The following CNGB3 variants were observed in gnomAD, a reference collection of about 807,000 sequenced individuals.
CNGB3 encodes the protein cyclic nucleotide-gated channel beta-3.
In CNGB3, 86 loss-of-function variants were observed where a neutral mutation model predicts 92.8. The ratio of observed to expected loss-of-function variants is 0.93; its 90% CI spans 0.78 to 1.11. The LOEUF is 1.11. CNGB3 is among the 50% of genes least tolerant of loss of function. The probability of loss-of-function intolerance (pLI) is 0.00; values close to 1 mark genes in which losing one functional copy is unlikely to be tolerated. For synonymous variants in CNGB3, 333 were observed against 332.7 expected (o/e 1.00, Z -0.01); for missense variants, 1,026 against 956.8 (o/e 1.07, Z -0.95).
At chr8:86,729,922 G>T (rs1825130700) in intron 2 of CNGB3, among the ~76,000 whole-genome samples, 1 of 152,168 alleles carries the variant, frequency 6.6e-6, no homozygotes, top group African/African-American at 2.4e-5. Flanking sequence ...TTCTGCCAAT[G>T]GTGCTCTTTG....
intron 14 of CNGB3, among the ~76,000 whole-genome samples, chr8:86,606,306 A>G (rs1333102656): frequency 6.6e-6 from 1 of 151,902 alleles, no homozygotes; most frequent in African/African-American, 2.4e-5. Flanking sequence ...ATAAGCCACC[A>G]TGCCTGGCTA....
intron 3 of CNGB3, chr8:86,708,068 C>G (rs1824681969): frequency 6.6e-6 from 1 of 152,148 alleles, no homozygotes; most frequent in African/African-American, 2.4e-5. Context: ...GAAATTTTAA[C>G]TCGGCAGTTT....
chr8:86,644,601 G>A (rs1052443297), intron 9 of CNGB3, 21 bp downstream of exon 9: 3 of 1,598,602 alleles, frequency 1.9e-6, no homozygotes, highest in Middle Eastern at 1.7e-4. Flanking sequence ...CTTCCCCCAA[G>A]TATACTGAGT....
chr8:86,667,850 A>C (rs1823773928), intron 5 of CNGB3, among the ~76,000 whole-genome samples, 169 bp downstream of exon 5: 1 of 152,184 alleles, frequency 6.6e-6, no homozygotes, highest in Non-Finnish European at 1.5e-5. Context: ...TCTTGTCTTC[A>C]CCAAAGATGG....
At chr8:86,667,788 G>T (rs549666079) in intron 5 of CNGB3, among the ~76,000 whole-genome samples, 1 of 152,270 alleles carries the variant, frequency 6.6e-6, no homozygotes, top group South Asian at 2.1e-4. Flanking sequence ...AGGTAATTAG[G>T]GGCAGGAGAG....
At chr8:86,613,528 T>C (rs1822558432) in intron 13 of CNGB3, among the ~76,000 whole-genome samples, 1 of 152,132 alleles carries the variant, frequency 6.6e-6, no homozygotes, top group Non-Finnish European at 1.5e-5. Context: ...ACTTGAAATA[T>C]GCTTGGAAGT....
intron 13 of CNGB3, among the ~76,000 whole-genome samples, chr8:86,615,562 C>T (rs908316084): frequency 6.6e-6 from 1 of 151,944 alleles, no homozygotes; most frequent in African/African-American, 2.4e-5. Flanking sequence ...AAGATTGCAC[C>T]ATTACTCTCT....
intron 13 of CNGB3, among the ~76,000 whole-genome samples, chr8:86,618,220 A>G (rs2131573825): frequency 6.6e-6 from 1 of 152,292 alleles, no homozygotes; most frequent in East Asian, 1.9e-4. Context: ...AGCTGCTCTC[A>G]CTGACCCACC....
rs780016234 is a variant in CNGB3 at position 86,666,927 on chromosome 8, T to C, written c.850A>G (p.Ile284Val). The C allele has an allele frequency of 6.2e-6, 10 of 1,611,312 alleles. No homozygotes were observed. In the East Asian group the frequency reaches 1.3e-4, roughly 22 times the overall value. ...TGCCTTTCCCGAACCCCACTTACTA[T>C]TATGTCTCCTCCTCTTACAAACTGG... is the stretch of plus-strand genomic sequence containing the variant. ...RLQFVRGGDI[I>V]VDSNELRKHY... The change falls in exon 6 of 18, where the codon ATA (isoleucine) becomes GTA (valine). Residue 284 changes from isoleucine to valine, a missense_variant and splice_region_variant. Transcript: ENST00000320005.
In CNGB3 at chr8:86,715,905, G is replaced by A. The variant is rs569863037; in HGVS notation, c.338+10626C>T. ...ACAAGTTAATGGGTGCAGCACACCAGCATGGCACATGTATACATATGTAAC... is the reference window on the plus strand; with the variant it reads ...ACAAGTTAATGGGTGCAGCACACCAACATGGCACATGTATACATATGTAAC... On this transcript the variant is annotated intron_variant, in intron 3 of 17. Coordinates refer to ENST00000320005, the MANE Select transcript of CNGB3 (RefSeq NM_019098.5). Among the ~76,000 whole-genome samples, 9 of 151,402 alleles carry A rather than the reference G, an allele frequency of 5.9e-5. No homozygotes were observed. In the South Asian group the frequency reaches 1.7e-3, roughly 28 times the overall value.
chr8:86,611,502 T>C, intron 14 of CNGB3, 86 bp downstream of exon 14: 1 of 1,043,284 alleles, frequency 9.6e-7, no homozygotes, highest in Non-Finnish European at 1.5e-6. Context: ...CCTGAACAAA[T>C]TTTGTTTAAA....
At chr8:86,723,525 T>A (rs1825009370) in intron 3 of CNGB3, among the ~76,000 whole-genome samples, 1 of 152,196 alleles carries the variant, frequency 6.6e-6, no homozygotes, top group Non-Finnish European at 1.5e-5. Context: ...GATATTTTCT[T>A]ATAATGTATA....
chr8:86,659,478 T>G, intron 6 of CNGB3: 1 of 609,396 alleles, frequency 1.6e-6, no homozygotes, highest in Non-Finnish European at 3.0e-6. Flanking sequence ...ATTTCTCTTC[T>G]AATTCTGAGT....
In CNGB3 at chr8:86,729,222, A is replaced by C. The variant is rs558346511; in HGVS notation, c.212-2565T>G. ...GGTGGGCTATTTCTTATAAAGCCAC[A>C]TGGATATAAGCTGCATCATATACCT... On this transcript the variant is annotated intron_variant, in intron 2 of 17. Coordinates refer to ENST00000320005, the MANE Select transcript of CNGB3 (RefSeq NM_019098.5). Among the ~76,000 whole-genome samples, 5 of 152,290 alleles carry C rather than the reference A, an allele frequency of 3.3e-5. No individual in the cohort carries two copies. The South Asian group carries it at 1.0e-3, about 32-fold the overall frequency.
At chr8:86,732,313 C>T (rs2131676985) in intron 2 of CNGB3, among the ~76,000 whole-genome samples, 1 of 152,258 alleles carries the variant, frequency 6.6e-6, no homozygotes, top group East Asian at 1.9e-4. Flanking sequence ...AAGAGGGTGG[C>T]CTGTCCACAG....
intron 3 of CNGB3, among the ~76,000 whole-genome samples, chr8:86,690,692 G>A (rs563494772): frequency 0.01 from 1,539 of 152,030 alleles, 24 homozygotes; most frequent in African/African-American, 0.034. Context: ...ATGGTTTTAG[G>A]TCTAACATGT....
At chr8:86,722,452 T>C (rs1198847765) in intron 3 of CNGB3, among the ~76,000 whole-genome samples, 1 of 151,988 alleles carries the variant, frequency 6.6e-6, no homozygotes, top group Non-Finnish European at 1.5e-5. Context: ...AGGTGAAGAG[T>C]GGGACCTATA....
intron 10 of CNGB3, among the ~76,000 whole-genome samples, chr8:86,634,137 G>T (rs187671434): frequency 6.6e-6 from 1 of 152,252 alleles, no homozygotes; most frequent in Admixed American, 6.5e-5. Context: ...TATCCAGAGA[G>T]TCCTTAACAT....
chr8:86,633,680 G>A lies in CNGB3; in HGVS notation c.1179-787C>T, dbSNP rs570996086. Among the ~76,000 whole-genome samples the A allele has an allele frequency of 2.1e-4, 32 of 152,310 alleles. No individual in the cohort carries two copies. In the South Asian group the frequency reaches 6.4e-3, roughly 31 times the overall value. ...GAGACATTTGAATCCACCTCTCAAT[G>A]AGAGAAGCAGCAAAAATTTGAGGCT... is the stretch of plus-strand genomic sequence containing the variant. On this transcript the variant is annotated intron_variant, in intron 10 of 17. Coordinates refer to ENST00000320005, the MANE Select transcript of CNGB3 (RefSeq NM_019098.5).
Sources: allele counts gnomAD v4.1 joint callset (sites outside exome capture counted in the v4.1 genomes callset), GRCh38; gene constraint gnomAD v4.1.1; transcripts MANE v1.5; gene names NCBI Gene and HGNC (gene_info 2026-07-23, HGNC 2026-07-21).